Variants in RRP12 observed in about 807,000 individuals in gnomAD.
RRP12 encodes ribosomal RNA processing 12 homolog, also known as RRP12-like protein.
A neutral mutation model predicts 157.3 loss-of-function variants in RRP12; 78 were observed. The ratio of observed to expected loss-of-function variants is 0.50; its 90% CI spans 0.41 to 0.60. The LOEUF (loss-of-function observed/expected upper bound fraction) is 0.60, where lower values mean the gene tolerates loss of function less well. RRP12 is among the 20% of genes least tolerant of loss of function. The pLI is 0.00. For missense variants in RRP12, 1,521 were observed against 1,679.9 expected, an observed-to-expected ratio of 0.91 and a Z score of 1.65; for synonymous variants, 726 against 670.9, an observed-to-expected ratio of 1.08 and a Z score of -1.27.
intron 13 of RRP12, 39 bp from the exon 14 acceptor site, chr10:97,379,809 C>T (rs188019452): frequency 1.1e-5 from 17 of 1,558,032 alleles, no homozygotes; most frequent in Admixed American, 1.9e-5. Flanking sequence ...AAGACATGCT[C>T]GAAAGCAGGG....
chr10:97,389,308 T>C (rs988517406), intron 6 of RRP12, among the ~76,000 whole-genome samples: 1 of 152,104 alleles, frequency 6.6e-6, no homozygotes, highest in African/African-American at 2.4e-5. Flanking sequence ...TTAGCCAGGA[T>C]GGTCTCGATC....
intron 29 of RRP12, among the ~76,000 whole-genome samples, chr10:97,364,602 C>T (rs934472584): frequency 5.9e-5 from 9 of 152,266 alleles, no homozygotes; most frequent in East Asian, 5.8e-4. Flanking sequence ...CTGTAGTCCC[C>T]GATACTTGGG....
At chr10:97,399,303 T>C (rs1845072376) in intron 2 of RRP12, among the ~76,000 whole-genome samples, 1 of 152,180 alleles carries the variant, frequency 6.6e-6, no homozygotes, top group Admixed American at 6.6e-5. Context: ...GAATTTATTT[T>C]ACCTGTTTCT....
rs188548737 is a variant in RRP12 at position 97,372,968 on chromosome 10, G to C, written c.2181+78C>G. The C allele has an allele frequency of 1.6e-5, 24 of 1,496,066 alleles. No individual in the cohort carries two copies. In the Admixed American group the frequency reaches 3.2e-4, roughly 20 times the overall value. 92.7% of individuals were successfully genotyped at this position (1,496,066 alleles called of 1,614,324 possible). A position where few individuals can be genotyped will look rare whatever the true frequency, so the allele number is the denominator to read the frequency against. On this transcript the variant is annotated intron_variant, in intron 18 of 33. Coordinates refer to ENST00000370992, the MANE Select transcript of RRP12 (RefSeq NM_015179.4). ...CACAGAGACCCACGTGAGCCCTGGT[G>C]GGTAGGGTCTCGGCCTCTCTGACCC...
intron 8 of RRP12, chr10:97,388,013 G>A (rs1397188303): frequency 4.2e-6 from 2 of 480,858 alleles, no homozygotes; most frequent in East Asian, 4.0e-5. Context: ...GGGTTTACCA[G>A]CCCACTACAG....
chr10:97,392,072 G>A (rs927919788), intron 4 of RRP12, among the ~76,000 whole-genome samples: 21 of 150,982 alleles, frequency 1.4e-4, no homozygotes, highest in Admixed American at 1.4e-3. Context: ...GGCACAATTA[G>A]GCTCACTGCA....
chr10:97,390,648 G>A, intron 5 of RRP12, 91 bp downstream of exon 5: 2 of 1,332,058 alleles, frequency 1.5e-6, no homozygotes, highest in Non-Finnish European at 2.2e-6. Flanking sequence ...TCCCCAGGGT[G>A]CCTAAACCCC....
intron 6 of RRP12, among the ~76,000 whole-genome samples, chr10:97,389,249 ACACC>A: frequency 6.6e-6 from 1 of 151,880 alleles, no homozygotes; most frequent in African/African-American, 2.4e-5. Flanking sequence ...GCCCGCCACC[ACACC>A]CGGCTAATTT....
intron 15 of RRP12, among the ~76,000 whole-genome samples, chr10:97,376,973 A>G (rs1844327553): frequency 6.8e-6 from 1 of 146,662 alleles, no homozygotes; most frequent in African/African-American, 2.5e-5. Flanking sequence ...TCCGCCCCCC[A>G]GAGTCCAAGC....
intron 30 of RRP12, among the ~76,000 whole-genome samples, chr10:97,363,559 C>T (rs1357767495): frequency 6.6e-6 from 1 of 152,208 alleles, no homozygotes; most frequent in Non-Finnish European, 1.5e-5. Context: ...ACGGTGGATG[C>T]CCCCACCCCA....
chr10:97,373,892 T>A lies in RRP12; in HGVS notation c.1801A>T (p.Met601Leu). 1 of 1,613,090 alleles carries A rather than the reference T, an allele frequency of 6.2e-7. No homozygotes were observed. Among genetic ancestry groups the A allele is most frequent in the Non-Finnish European group, 8.5e-7 (1 of 1,179,838 alleles). Reference sequence around the variant, plus strand: ...GTGCTGCCTGCCTGAGCCAGGTCCATGGCTGCAGTGTGACAGAGGGACAGA... The same window carrying A: ...GTGCTGCCTGCCTGAGCCAGGTCCAAGGCTGCAGTGTGACAGAGGGACAGA... The part of the protein sequence containing the change: ...PLANTLKSKA[M>L]DLAQAGSTVE... Residue 601 changes from methionine to leucine, a missense_variant and splice_region_variant, in exon 16 of 34, where the codon ATG becomes TTG. Physicochemically the swap from Met to Leu is conservative, Grantham distance 15. Transcript: ENST00000370992.
intron 30 of RRP12, among the ~76,000 whole-genome samples, chr10:97,362,763 G>A (rs1843877804): frequency 2.0e-5 from 3 of 152,172 alleles, no homozygotes; most frequent in Admixed American, 2.0e-4. Context: ...CCAAGACTCT[G>A]GATATGTACT....
intron 8 of RRP12, among the ~76,000 whole-genome samples, chr10:97,387,030 G>A (rs181150540): frequency 4.7e-4 from 72 of 152,014 alleles, no homozygotes; most frequent in African/African-American, 1.7e-3. Context: ...GTTGGCGGGG[G>A]TATCTGTGGG....
chr10:97,382,127 T>C lies in RRP12; in HGVS notation c.1209-301A>G, dbSNP rs189550532. 1.8e-3 allele frequency among the ~76,000 whole-genome samples: 278 copies of C among 152,276 alleles called. 4 individuals carry two copies. Among genetic ancestry groups the C allele is most frequent in the East Asian group, 1.7e-3 (9 of 5,188 alleles). Reference sequence around the variant, plus strand: ...CAGGGGAAAATCAAGGTTAAGTTTCTTAAATACCCTTCCAGAAGTTCTAAA... The same window carrying C: ...CAGGGGAAAATCAAGGTTAAGTTTCCTAAATACCCTTCCAGAAGTTCTAAA... On this transcript the variant is annotated intron_variant, in intron 10 of 33. Coordinates refer to ENST00000370992, the MANE Select transcript of RRP12 (RefSeq NM_015179.4).
chr10:97,395,424 C>A (rs945739719), intron 3 of RRP12, among the ~76,000 whole-genome samples: 2 of 151,624 alleles, frequency 1.3e-5, no homozygotes, highest in Non-Finnish European at 2.9e-5. Context: ...TGGTGGCGCA[C>A]GCCTGTAATC....
chr10:97,393,765 G>A lies in RRP12; in HGVS notation c.454-5C>T. On this transcript the variant is annotated splice_polypyrimidine_tract_variant and splice_region_variant and intron_variant, in intron 3 of 33. Coordinates refer to ENST00000370992, the MANE Select transcript of RRP12 (RefSeq NM_015179.4). ...CACTGCTTCCATTGTTGTCATCTGA[G>A]GGCCAGATTGAGGGGGTTTGAATGG... The A allele has an allele frequency of 6.2e-7, 1 of 1,613,518 alleles. No homozygotes were observed. Among genetic ancestry groups the A allele is most frequent in the Non-Finnish European group, 8.5e-7 (1 of 1,179,646 alleles).
In RRP12 at chr10:97,366,811, C is replaced by T. The variant is rs544769802; in HGVS notation, c.3146G>A (p.Ser1049Asn). ...EARAKRHRALSQAAVEEEEEE... is the reference protein window; with the variant it reads ...EARAKRHRALNQAAVEEEEEE... The stretch of plus-strand genomic sequence containing the variant: ...TTCTTCCTCCTCCACGGCAGCCTGG[C>T]TCAGGGCTCGGTGCCTCTTGGCCCG... Residue 1049 changes from serine to asparagine, a missense_variant, in exon 27 of 34, where the codon AGC (serine) becomes AAC (asparagine). Ser to Asn is a conservative substitution (Grantham distance 46, BLOSUM62 1). Transcript: ENST00000370992. 6.8e-6 allele frequency: 11 copies of T among 1,614,218 alleles called. No homozygotes were observed. In the South Asian group the frequency reaches 8.8e-5, roughly 13 times the overall value.
chr10:97,385,858 C>A, intron 9 of RRP12, 37 bp downstream of exon 9: 1 of 1,461,516 alleles, frequency 6.8e-7, no homozygotes, highest in Non-Finnish European at 9.4e-7. Flanking sequence ...GCACCACCCC[C>A]GACCTAATGC....
At chr10:97,382,600 C>T (rs567316244) in intron 10 of RRP12, among the ~76,000 whole-genome samples, 1 of 152,258 alleles carries the variant, frequency 6.6e-6, no homozygotes, top group Admixed American at 6.5e-5. Context: ...CAAGGCCACC[C>T]AGCTTGGTAA....
Sources: allele counts gnomAD v4.1 joint callset (sites outside exome capture counted in the v4.1 genomes callset), GRCh38; gene constraint gnomAD v4.1.1; transcripts MANE v1.5; gene names NCBI Gene and HGNC (gene_info 2026-07-23, HGNC 2026-07-21).